TECTA: variants seen among roughly 807,000 people sequenced by gnomAD.
TECTA encodes the protein tectorin alpha.
In TECTA, 128 loss-of-function variants were observed where a neutral mutation model predicts 216.8. That is an observed-to-expected ratio of 0.59 (90% CI 0.51 to 0.68). The LOEUF (loss-of-function observed/expected upper bound fraction) is 0.68, where lower values mean the gene tolerates loss of function less well. TECTA is among the 30% of genes least tolerant of loss of function. The probability of loss-of-function intolerance (pLI) is 0.00; values close to 1 mark genes in which losing one functional copy is unlikely to be tolerated. For missense variants in TECTA, 2,551 were observed against 2,786.2 expected, an observed-to-expected ratio of 0.92 and a Z score of 1.90; for synonymous variants, 1,089 against 1,117.1, an observed-to-expected ratio of 0.97 and a Z score of 0.50.
In TECTA at chr11:121,113,528, A is replaced by G; in HGVS notation, c.625-25A>G. On this transcript the variant is annotated intron_variant, in intron 5 of 23. Transcript: ENST00000392793. The surrounding 1 kb of genome is among the most constrained non-coding windows in gnomAD (Gnocchi z 4.2). ...CCATGGGGAATTTTTGTACTCAAAA[A>G]TCTTGTCTTCCTTTTGTGCTGCAGG... is the stretch of plus-strand genomic sequence containing the variant. The G allele has an allele frequency of 6.2e-7, 1 of 1,614,030 alleles. No individual in the cohort carries two copies. Among genetic ancestry groups the G allele is most frequent in the Non-Finnish European group, 8.5e-7 (1 of 1,180,014 alleles).
At chr11:121,175,976 T>C (rs1433350623) in intron 20 of TECTA, among the ~76,000 whole-genome samples, 4 of 152,302 alleles carry the variant, frequency 2.6e-5, no homozygotes, top group African/African-American at 4.8e-5. Flanking sequence ...TCTTTGTTGG[T>C]TTAAAGTCTG....
intron 10 of TECTA, among the ~76,000 whole-genome samples, chr11:121,133,231 C>T (rs1427277659): frequency 1.3e-5 from 2 of 152,302 alleles, no homozygotes; most frequent in East Asian, 1.9e-4. Context: ...CTTTCCCTGT[C>T]TCTTCCTTCC....
intron 20 of TECTA, among the ~76,000 whole-genome samples, chr11:121,176,687 C>G (rs912678756): frequency 6.7e-6 from 1 of 149,786 alleles, no homozygotes; most frequent in Non-Finnish European, 1.5e-5. Context: ...ATCTTTGTGG[C>G]GTTCTCTGTA....
In TECTA at chr11:121,127,919, C is replaced by T. The variant is rs2135081229; in HGVS notation, c.1942C>T (p.His648Tyr). The stretch of plus-strand genomic sequence containing the variant: ...CAGCACCAGCCAGTGCGTCCCTCTG[C>T]ACAAGTGCGGCTGCGACTTCGACGG... ...VLSTSQCVPL[H>Y]KCGCDFDGHY... The change falls in exon 9 of 24, where the codon CAC becomes TAC. Residue 648 changes from histidine (H) to tyrosine (Y), a missense_variant. Physicochemically the swap from His to Tyr is moderately conservative, Grantham distance 83 (BLOSUM62 2). Coordinates refer to ENST00000392793, the MANE Select transcript of TECTA (RefSeq NM_005422.4). The surrounding 1 kb of genome is among the most constrained non-coding windows in gnomAD (Gnocchi z 5.0). The T allele has an allele frequency of 3.1e-6, 5 of 1,614,156 alleles. No individual in the cohort carries two copies. The African/African-American group carries it at 5.3e-5, about 17-fold the overall frequency.
intron 20 of TECTA, among the ~76,000 whole-genome samples, chr11:121,169,679 T>A (rs1947091916): frequency 6.6e-6 from 1 of 152,176 alleles, no homozygotes; most frequent in Non-Finnish European, 1.5e-5. Context: ...ATAATCTAAT[T>A]TTAGAACATT....
intron 10 of TECTA, among the ~76,000 whole-genome samples, chr11:121,135,592 G>A (rs11218154): frequency 0.024 from 3,697 of 152,300 alleles, 68 homozygotes; most frequent in Non-Finnish European, 0.036. Context: ...CTTTAGCGCA[G>A]AGGAAAAAAT....
intron 9 of TECTA, among the ~76,000 whole-genome samples, chr11:121,129,117 G>A (rs978414681): frequency 6.6e-6 from 1 of 152,210 alleles, no homozygotes; most frequent in African/African-American, 2.4e-5. Flanking sequence ...CAAACTGGAA[G>A]GGATGTGTTT....
chr11:121,126,188 G>A (rs866261719), intron 8 of TECTA, among the ~76,000 whole-genome samples: 12 of 152,186 alleles, frequency 7.9e-5, no homozygotes, highest in African/African-American at 2.9e-4. Flanking sequence ...AGGTGGAGGT[G>A]GCTACTTTTG....
chr11:121,189,755 C>G lies in TECTA; in HGVS notation c.6251-9C>G. ...TCTGTAGTTAATCTTCCTAACTGCT[C>G]TTTTGTAGGGCTGGACTGGTGTGAG... On this transcript the variant is annotated splice_polypyrimidine_tract_variant and intron_variant, in intron 22 of 23. Transcript: ENST00000392793. 1.9e-6 allele frequency: 3 copies of G among 1,613,342 alleles called. No homozygotes were observed. The highest frequency in any genetic ancestry group is 2.5e-6 in the Non-Finnish European group (3 of 1,179,456).
In TECTA at chr11:121,125,818, G is replaced by T. The variant is rs770175299; in HGVS notation, c.1720G>T (p.Val574Leu). 1 of 1,613,660 alleles carries T rather than the reference G, an allele frequency of 6.2e-7. No individual in the cohort carries two copies. Among genetic ancestry groups the T allele is most frequent in the Non-Finnish European group, 8.5e-7 (1 of 1,180,048 alleles). The change falls in exon 8 of 24, where the codon GTG (valine) becomes TTG (leucine). Residue 574 changes from valine to leucine, a missense_variant. Around this residue, in one of 3 missense-constraint regions of TECTA, gnomAD observed 2,375 missense variants for 2,563.9 expected, o/e 0.93. Coordinates refer to ENST00000392793, the MANE Select transcript of TECTA (RefSeq NM_005422.4). ...LCQAIQAYAL[V>L]CQALGIPIGD... is the part of the protein sequence containing the mutation. ...CCAAGCCATCCAGGCCTATGCTCTT[G>T]TGTGCCAAGCCCTTGGCATTCCAAT... is the stretch of plus-strand genomic sequence containing the variant.
At position 121,113,158 on chromosome 11, in the gene TECTA, G is replaced by T; in HGVS notation, c.573G>T (p.Gly191=). The T allele has an allele frequency of 6.2e-7, 1 of 1,613,988 alleles. No homozygotes were observed. The highest frequency in any genetic ancestry group is 8.5e-7 in the Non-Finnish European group (1 of 1,180,002). The change falls in exon 5 of 24, where the codon GGG becomes GGT. Residue 191 remains glycine, a synonymous_variant. Coordinates refer to ENST00000392793, the MANE Select transcript of TECTA (RefSeq NM_005422.4). The surrounding 1 kb of genome is among the most constrained non-coding windows in gnomAD (Gnocchi z 4.2). ...FNYYEINWTT[G]TASGGDPLTG... ...ATTACGAAATCAACTGGACCACGGG[G>T]ACGGCGAGTGGCGGCGACCCCCTGA...
At chr11:121,165,486 G>A (rs1947043853) in intron 17 of TECTA, 103 bp downstream of exon 17, 2 of 943,916 alleles carry the variant, frequency 2.1e-6, no homozygotes, top group South Asian at 3.2e-5. Flanking sequence ...TTCCCAAATA[G>A]TGAAGCTTTC....
intron 13 of TECTA, among the ~76,000 whole-genome samples, chr11:121,155,017 T>C (rs1434314624): frequency 6.6e-6 from 1 of 152,224 alleles, no homozygotes; most frequent in East Asian, 1.9e-4. Flanking sequence ...CCTCAGTGGA[T>C]TTTGACAACA....
chr11:121,189,781 G>T lies in TECTA; in HGVS notation c.6268G>T (p.Asp2090Tyr). The change falls in exon 23 of 24, where the codon GAC (aspartate) becomes TAC (tyrosine). Residue 2090 changes from aspartate to tyrosine, a missense_variant. This residue lies in a region of TECTA where 118 missense variants were observed against 116.4 expected (regional missense o/e 1.01). Transcript: ENST00000392793. ...IRRKRLDWCE[D>Y]NGGCEQICTS... ...TTTTGTAGGGCTGGACTGGTGTGAG[G>T]ACAATGGAGGGTGTGAGCAGATTTG... 1 of 1,614,046 alleles carries T rather than the reference G, an allele frequency of 6.2e-7. No homozygotes were observed. Among genetic ancestry groups the T allele is most frequent in the Non-Finnish European group, 8.5e-7 (1 of 1,179,966 alleles).
intron 11 of TECTA, among the ~76,000 whole-genome samples, chr11:121,140,395 G>A (rs537678288): frequency 6.6e-5 from 10 of 152,050 alleles, no homozygotes; most frequent in African/African-American, 2.2e-4. Flanking sequence ...CTCCCTCCAG[G>A]CATGTGCTCT....
intron 20 of TECTA, among the ~76,000 whole-genome samples, chr11:121,177,801 C>A (rs931102681): frequency 1.1e-4 from 16 of 152,242 alleles, no homozygotes; most frequent in Admixed American, 2.0e-4. Context: ...CAGAGGCAGG[C>A]AGGCGTCCTT....
In TECTA at chr11:121,137,543, G is replaced by A. The variant is rs767265599; in HGVS notation, c.3064G>A (p.Gly1022Ser). 127 of 1,613,786 alleles carry A rather than the reference G, an allele frequency of 7.9e-5. No individual in the cohort carries two copies. Among genetic ancestry groups the A allele is most frequent in the Middle Eastern group, 1.6e-4 (1 of 6,084 alleles). The change falls in exon 11 of 24, where the codon GGC becomes AGC. Residue 1022 changes from glycine (G) to serine (S), a missense_variant. By Grantham distance (56) the Gly-to-Ser change is moderately conservative. Around this residue, in one of 3 missense-constraint regions of TECTA, gnomAD observed 2,375 missense variants for 2,563.9 expected, o/e 0.93. Coordinates refer to ENST00000392793, the MANE Select transcript of TECTA (RefSeq NM_005422.4). ...CTCTGAGGGATGTCAGTGTGATGAGGGCTATGCTCTACTGGGCAGCCAGTG... is the reference window on the plus strand; with the variant it reads ...CTCTGAGGGATGTCAGTGTGATGAGAGCTATGCTCTACTGGGCAGCCAGTG... ...SCSEGCQCDE[G>S]YALLGSQCVT...
chr11:121,111,843 C>G (rs1225360102), intron 4 of TECTA, among the ~76,000 whole-genome samples: 1 of 152,200 alleles, frequency 6.6e-6, no homozygotes, highest in Non-Finnish European at 1.5e-5. Context: ...TTTACCTGAG[C>G]AAGTCTATCA....
intron 7 of TECTA, among the ~76,000 whole-genome samples, chr11:121,119,227 A>G (rs1946533691): frequency 6.6e-6 from 1 of 152,152 alleles, no homozygotes; most frequent in Non-Finnish European, 1.5e-5. Context: ...CTTCATTTTC[A>G]GAGAAACCTC....
Sources: gnomAD v4.1 joint callset for allele counts (sites outside exome capture counted in the v4.1 genomes callset) on GRCh38, gnomAD v4.1.1 for gene constraint, gnomAD v4.1.1 regional missense constraint, Gnocchi (gnomAD v3.1) non-coding constraint, MANE v1.5 for transcripts, NCBI Gene and HGNC (gene_info 2026-07-23, HGNC 2026-07-21) for gene names.